ZNF83: variants seen among roughly 807,000 people sequenced by gnomAD.
ZNF83 encodes zinc finger protein 816B.
For missense variants in ZNF83, 552 were observed against 629.9 expected (o/e 0.88, Z 1.32); for synonymous variants, 209 against 213.0 (o/e 0.98, Z 0.17).
At chr19:52,614,819 C>T (rs2060248297) in intron 2 of ZNF83, 22 bp from the exon 3 acceptor site, 2 of 1,264,964 alleles carry the variant, frequency 1.6e-6, no homozygotes, top group South Asian at 3.6e-5. Flanking sequence ...AAGGATCCCA[C>T]AGTTTCCAAT....
intron 3 of ZNF83, among the ~76,000 whole-genome samples, chr19:52,649,029 C>T (rs896117166): frequency 2.0e-5 from 3 of 152,194 alleles, no homozygotes; most frequent in Admixed American, 6.5e-5. Flanking sequence ...CCCTCAACGA[C>T]CTTTCCCTTC....
intron 1 of ZNF83, among the ~76,000 whole-genome samples, chr19:52,683,448 C>G (rs1568585127): frequency 6.7e-6 from 1 of 149,430 alleles, no homozygotes. Flanking sequence ...CGGAACAGAA[C>G]TAGTTGTGTA....
intron 3 of ZNF83, among the ~76,000 whole-genome samples, chr19:52,646,369 C>A (rs1287482241): frequency 2.0e-5 from 3 of 152,002 alleles, no homozygotes; most frequent in Admixed American, 2.0e-4. Context: ...ACAGTGAAAT[C>A]CCATTTCTCC....
At position 52,660,569 on chromosome 19, in the gene ZNF83, G is replaced by A. The variant is rs116064462; in HGVS notation, c.-201+193C>T. Reference sequence around the variant, plus strand: ...GGAGGTGGAGGTTACAGTGATCCCAGATTGCTCCAGTGAACTCCAGCCTGG... The same window carrying A: ...GGAGGTGGAGGTTACAGTGATCCCAAATTGCTCCAGTGAACTCCAGCCTGG... On this transcript the variant is annotated intron_variant, in intron 2 of 5. Transcript: ENST00000594682. 5.5e-3 allele frequency among the ~76,000 whole-genome samples: 842 copies of A among 152,206 alleles called. 6 individuals are homozygous for A. The highest frequency in any genetic ancestry group is 0.019 in the African/African-American group (792 of 41,494).
Position 52,653,362 on chromosome 19 carries a change from T to C in ZNF83, c.-74+2199A>G, listed in dbSNP as rs2061467690. Reference sequence around the variant, plus strand: ...TCTCTGATGTTGTGCAAGGTATGAATCACGCTGGAAAACCTTGCCACATTC... The same window carrying C: ...TCTCTGATGTTGTGCAAGGTATGAACCACGCTGGAAAACCTTGCCACATTC... On this transcript the variant is annotated intron_variant, in intron 3 of 5. Transcript: ENST00000594682. 5.1e-6 allele frequency: 6 copies of C among 1,166,478 alleles called. No individual in the cohort carries two copies. In the Admixed American group the frequency reaches 7.1e-5, roughly 14 times the overall value. The allele number at this position is 1,166,478 out of a possible 1,614,324, so 72.3% of individuals were successfully genotyped here.
At chr19:52,620,417 T>C (rs2060501052) in intron 2 of ZNF83, among the ~76,000 whole-genome samples, 1 of 152,078 alleles carries the variant, frequency 6.6e-6, no homozygotes, top group African/African-American at 2.4e-5. Flanking sequence ...CTAGAAGCAA[T>C]CACTCCTTCA....
intron 1 of ZNF83, among the ~76,000 whole-genome samples, chr19:52,687,574 AATTT>A (rs2062054646): frequency 2.8e-5 from 1 of 36,200 alleles, no homozygotes; most frequent in African/African-American, 1.8e-4. Context: ...TATATATATA[AATTT>A]TATATATATA....
At chr19:52,669,556 C>T (rs2061695949) in intron 1 of ZNF83, among the ~76,000 whole-genome samples, 1 of 152,166 alleles carries the variant, frequency 6.6e-6, no homozygotes, top group African/African-American at 2.4e-5. Flanking sequence ...ATAATTAAAA[C>T]TCAGTGTTGT....
chr19:52,675,789 G>A (rs939026764), intron 1 of ZNF83, among the ~76,000 whole-genome samples: 2 of 152,192 alleles, frequency 1.3e-5, no homozygotes, highest in Non-Finnish European at 2.9e-5. Context: ...AATTCCACTA[G>A]GATAGACCAA....
At chr19:52,648,657 G>A (rs145062442) in intron 3 of ZNF83, among the ~76,000 whole-genome samples, 479 of 152,172 alleles carry the variant, frequency 3.1e-3, no homozygotes, top group Non-Finnish European at 4.2e-3. Flanking sequence ...GTTCAGTCCC[G>A]CTGCTGTTAA....
chr19:52,659,346 A>G (rs991776720), intron 2 of ZNF83, among the ~76,000 whole-genome samples: 1 of 152,072 alleles, frequency 6.6e-6, no homozygotes, highest in African/African-American at 2.4e-5. Context: ...TGCCCACTCG[A>G]GGTTACCACC....
At chr19:52,684,788 T>A (rs1251763268) in intron 1 of ZNF83, among the ~76,000 whole-genome samples, 3 of 151,440 alleles carry the variant, frequency 2.0e-5, no homozygotes, top group Non-Finnish European at 4.4e-5. Context: ...AAGGTTTTGG[T>A]GTTTGGGAAA....
chr19:52,663,324 C>T (rs1288731348), intron 1 of ZNF83, among the ~76,000 whole-genome samples: 1 of 152,124 alleles, frequency 6.6e-6, no homozygotes, highest in Non-Finnish European at 1.5e-5. Context: ...TTGTGAACCC[C>T]TAGCTATAGG....
rs144659394 is a variant in ZNF83, at chr19:52,680,040, G to A, written c.-283+10403C>T. Among the ~76,000 whole-genome samples the A allele has an allele frequency of 4.6e-5, 7 of 152,160 alleles. No individual in the cohort carries two copies. The South Asian group carries it at 6.2e-4, about 14-fold the overall frequency. ...ACTAAAAATACAAAATTAGCCAGGCGTAGTGGCACATGCTGGTAATCCCAG... is the reference window on the plus strand; with the variant it reads ...ACTAAAAATACAAAATTAGCCAGGCATAGTGGCACATGCTGGTAATCCCAG... On this transcript the variant is annotated intron_variant, in intron 1 of 5. Transcript: ENST00000594682.
intron 2 of ZNF83, chr19:52,616,649 G>A (rs2060316083): frequency 6.6e-6 from 1 of 152,196 alleles, no homozygotes; most frequent in Non-Finnish European, 1.5e-5. Flanking sequence ...TTGGAGACCA[G>A]CCTGATCAAC....
rs141761232 is a variant in ZNF83, at chr19:52,690,394, C to T, written c.-283+49G>A. ...GGACCCTAGGTCCGAGGGACAGAAA[C>T]GCTGAGGACCTGGGAAATGCAGACT... On this transcript the variant is annotated intron_variant, in intron 1 of 5. Transcript: ENST00000594682. 344 of 156,854 alleles carry T rather than the reference C, an allele frequency of 2.2e-3. 1 individual carries two copies. The highest frequency in any genetic ancestry group is 6.1e-3 in the East Asian group (32 of 5,254). The allele number at this position is 156,854 out of a possible 1,614,324, so 9.7% of individuals were successfully genotyped here. A position where few individuals can be genotyped will look rare whatever the true frequency, so the allele number is the denominator to read the frequency against.
intron 1 of ZNF83, among the ~76,000 whole-genome samples, chr19:52,673,513 C>CAT (rs1020568157): frequency 1.3e-5 from 2 of 151,836 alleles, no homozygotes; most frequent in Non-Finnish European, 2.9e-5. Flanking sequence ...CACACACACA[C>CAT]ACACACAAAA....
At chr19:52,681,246 G>A (rs2061912336) in intron 1 of ZNF83, among the ~76,000 whole-genome samples, 1 of 127,944 alleles carries the variant, frequency 7.8e-6, no homozygotes, top group Non-Finnish European at 1.6e-5. Flanking sequence ...TCACACCACT[G>A]CACTCCAGCC....
chr19:52,619,420 A>G (rs535586280), intron 2 of ZNF83, among the ~76,000 whole-genome samples: 2 of 152,170 alleles, frequency 1.3e-5, no homozygotes, highest in East Asian at 3.9e-4. Flanking sequence ...AAGGTCAGGA[A>G]TTCGAGACTA....
Sources: gnomAD v4.1 joint callset for allele counts (sites outside exome capture counted in the v4.1 genomes callset) on GRCh38, gnomAD v4.1.1 for gene constraint, MANE v1.5 for transcripts, NCBI Gene and HGNC (gene_info 2026-07-23, HGNC 2026-07-21) for gene names.